The following SEC16A variants were observed in gnomAD, a reference collection of about 807,000 sequenced individuals.
The protein encoded by SEC16A is SEC16 homolog A, endoplasmic reticulum export factor.
Under a neutral mutation model 221.9 loss-of-function variants are expected in SEC16A, and 110 were observed. The observed-to-expected ratio is 0.50, with a 90% confidence interval of 0.42 to 0.58. The LOEUF (loss-of-function observed/expected upper bound fraction) is 0.58, where lower values mean the gene tolerates loss of function less well. SEC16A is among the 20% of genes least tolerant of loss of function. The pLI is 0.00. For missense variants in SEC16A, 3,165 were observed against 3,097.8 expected (o/e 1.02, Z -0.52); for synonymous variants, 1,393 against 1,257.7 (o/e 1.11, Z -2.28).
chr9:136,445,616 CG>C lies in SEC16A; in HGVS notation c.6867+28del, dbSNP rs1384776892. 10 of 1,526,618 alleles carry C rather than the reference CG, an allele frequency of 6.6e-6. No individual in the cohort carries two copies. The East Asian group carries it at 9.8e-5, about 15-fold the overall frequency. 94.6% of individuals were successfully genotyped at this position (1,526,618 alleles called of 1,614,324 possible). On this transcript the variant is annotated intron_variant, in intron 29 of 31. Transcript: ENST00000684901. ...TGAGCTGCTGGGGAGGCCTGGGCTGCGGGGGGCCCTGGCGTCGGCACTCCTT... is the reference window on the plus strand; with the variant it reads ...TGAGCTGCTGGGGAGGCCTGGGCTGCGGGGGCCCTGGCGTCGGCACTCCTT...
rs185535594 is a variant in SEC16A at position 136,474,034 on chromosome 9, C to T, written c.3567+15G>A. On this transcript the variant is annotated intron_variant, in intron 3 of 31. Coordinates refer to ENST00000684901, the MANE Select transcript of SEC16A (RefSeq NM_014866.2). The stretch of plus-strand genomic sequence containing the variant: ...CAGACAGAAAAGTGGGTTACACATA[C>T]GACTCGACTCTTACCTGGTAATAGA... 722 of 1,581,876 alleles carry T rather than the reference C, an allele frequency of 4.6e-4. 2 individuals are homozygous for T. In the East Asian group the frequency reaches 9.7e-3, roughly 21 times the overall value.
intron 13 of SEC16A, among the ~76,000 whole-genome samples, chr9:136,460,841 A>G (rs2132331520): frequency 6.6e-6 from 1 of 152,278 alleles, no homozygotes; most frequent in Non-Finnish European, 1.5e-5. Context: ...TGAACCTGGG[A>G]GGCAGGGGTT....
intron 12 of SEC16A, 90 bp downstream of exon 12, chr9:136,462,797 G>C: frequency 2.1e-6 from 3 of 1,462,014 alleles, no homozygotes; most frequent in South Asian, 1.3e-5. Context: ...CCAAGAGGGG[G>C]CCACGTCCCT....
intron 22 of SEC16A, 101 bp from the exon 23 acceptor site, chr9:136,451,509 A>G (rs1837807340): frequency 1.5e-6 from 2 of 1,332,210 alleles, no homozygotes; most frequent in Non-Finnish European, 1.0e-6. Flanking sequence ...TAAATACATC[A>G]CTGAGAGGCC....
rs968772583 is a variant in SEC16A at position 136,466,563 on chromosome 9, G to A, written c.3930-101C>T. On this transcript the variant is annotated intron_variant, in intron 6 of 31. Transcript: ENST00000684901. This position sits in a 1 kb window ranked among gnomAD's most constrained non-coding sequence, Gnocchi z 5.5. ...CAGGAGCTGAGACCGAGACCCCTGG[G>A]GCCGAGGCACAACACAGCACACCCG... 5.2e-6 allele frequency: 6 copies of A among 1,156,778 alleles called. No homozygotes were observed. The African/African-American group carries it at 7.8e-5, about 15-fold the overall frequency. 71.7% of individuals were successfully genotyped at this position (1,156,778 alleles called of 1,614,324 possible). A position where few individuals can be genotyped will look rare whatever the true frequency, so the allele number is the denominator to read the frequency against.
chr9:136,484,691 G>A (rs765196039), upstream of SEC16A: 36 of 1,366,388 alleles, frequency 2.6e-5, no homozygotes, highest in Middle Eastern at 2.1e-4. Flanking sequence ...AGGGCCGCAG[G>A]CGGTGCAGGG....
In SEC16A at chr9:136,447,147, T is replaced by C. The variant is rs1837110499; in HGVS notation, c.6697+80A>G. On this transcript the variant is annotated intron_variant, in intron 27 of 31. Coordinates refer to ENST00000684901, the MANE Select transcript of SEC16A (RefSeq NM_014866.2). The surrounding 1 kb of genome is among the most constrained non-coding windows in gnomAD (Gnocchi z 5.5). ...CAGGTCATTCTTTTAACGGGAGATT[T>C]AGGAGAGACTCATAGAAAGAGGATC... The C allele has an allele frequency of 6.5e-7, 1 of 1,534,704 alleles. No homozygotes were observed. Among genetic ancestry groups the C allele is most frequent in the Non-Finnish European group, 8.8e-7 (1 of 1,136,324 alleles).
intron 17 of SEC16A, among the ~76,000 whole-genome samples, chr9:136,457,895 G>A (rs996473009): frequency 1.3e-5 from 2 of 152,196 alleles, no homozygotes; most frequent in Non-Finnish European, 1.5e-5. Context: ...CCAAGAGCAC[G>A]GCACTGAGAC....
Position 136,459,526 on chromosome 9 carries a change from A to T in SEC16A, c.5221T>A (p.Phe1741Ile). The change falls in exon 16 of 32, where the codon TTC (phenylalanine) becomes ATC (isoleucine). Residue 1741 changes from phenylalanine (F) to isoleucine (I), a missense_variant. By Grantham distance (21) the Phe-to-Ile change is conservative (BLOSUM62 0). Transcript: ENST00000684901. The surrounding 1 kb of genome is among the most constrained non-coding windows in gnomAD (Gnocchi z 6.1). ...ASRGLLDAAHFCYLMAQAGFG... is the reference protein window; with the variant it reads ...ASRGLLDAAHICYLMAQAGFG... ...CCCGCCTGGGCCATGAGGTAGCAGAAGTGGGCCGCATCCAAGAGGCCCCTT... is the reference window on the plus strand; with the variant it reads ...CCCGCCTGGGCCATGAGGTAGCAGATGTGGGCCGCATCCAAGAGGCCCCTT... The T allele has an allele frequency of 1.2e-6, 2 of 1,604,446 alleles. No homozygotes were observed. Among genetic ancestry groups the T allele is most frequent in the Non-Finnish European group, 1.7e-6 (2 of 1,175,182 alleles).
At chr9:136,450,814 G>A (rs912750677) in intron 23 of SEC16A, among the ~76,000 whole-genome samples, 1 of 152,126 alleles carries the variant, frequency 6.6e-6, no homozygotes, top group Non-Finnish European at 1.5e-5. Context: ...TCCTTGGCAC[G>A]CACCTAAGAA....
chr9:136,461,329 T>C, intron 12 of SEC16A, 55 bp from the exon 13 acceptor site: 2 of 1,330,324 alleles, frequency 1.5e-6, no homozygotes, highest in South Asian at 2.5e-5. Flanking sequence ...TCACGTGACA[T>C]GAGTCAAGAC....
At chr9:136,468,137 G>T (rs1488461272) in intron 5 of SEC16A, among the ~76,000 whole-genome samples, 1 of 152,238 alleles carries the variant, frequency 6.6e-6, no homozygotes, top group Non-Finnish European at 1.5e-5. Flanking sequence ...TGCTAGTTAT[G>T]TTCCACTAGA....
At chr9:136,481,342 G>A (rs902319154) in intron 1 of SEC16A, among the ~76,000 whole-genome samples, 2 of 151,974 alleles carry the variant, frequency 1.3e-5, no homozygotes, top group Non-Finnish European at 2.9e-5. Flanking sequence ...GTTTCACCGT[G>A]TTAGCCAGGA....
At chr9:136,449,204 C>T (rs1295904354) in intron 23 of SEC16A, among the ~76,000 whole-genome samples, 1 of 152,152 alleles carries the variant, frequency 6.6e-6, no homozygotes, top group African/African-American at 2.4e-5. Flanking sequence ...GTGGAGAATT[C>T]GGTTATTAGG....
intron 5 of SEC16A, 59 bp from the exon 6 acceptor site, chr9:136,467,142 T>C (rs1588968154): frequency 1.2e-6 from 2 of 1,602,658 alleles, no homozygotes; most frequent in East Asian, 2.2e-5. Flanking sequence ...ATGCCTCAGA[T>C]ATCACTAAAG....
rs1482577734 is a variant in SEC16A, at chr9:136,440,611, TAA to T, written c.*1142_*1143del. 6.6e-6 allele frequency: 1 copy of T among 152,604 alleles called. No homozygotes were observed. Among genetic ancestry groups the T allele is most frequent in the Non-Finnish European group, 1.5e-5 (1 of 68,044 alleles). The allele number at this position is 152,604 out of a possible 1,614,324, so 9.5% of individuals were successfully genotyped here. ...AGTTTCAGAACAGTCAGAGAAGCCT[TAA>T]AGCTTTGCATCAGTGAGAGGAGGCC... On this transcript the variant is annotated 3_prime_UTR_variant, in exon 32 of 32. Coordinates refer to ENST00000684901, the MANE Select transcript of SEC16A (RefSeq NM_014866.2).
intron 1 of SEC16A, among the ~76,000 whole-genome samples, chr9:136,479,295 A>G (rs931929952): frequency 4.6e-5 from 7 of 152,192 alleles, no homozygotes; most frequent in South Asian, 2.1e-4. Context: ...GAACAAACAG[A>G]TAAGTTTAGC....
At chr9:136,469,232 C>T (rs897658971) in intron 4 of SEC16A, among the ~76,000 whole-genome samples, 6 of 152,240 alleles carry the variant, frequency 3.9e-5, no homozygotes, top group East Asian at 1.9e-4. Flanking sequence ...TCCCTGTACC[C>T]GTGCAGGGTA....
At chr9:136,457,733 C>A in intron 17 of SEC16A, 149 bp from the exon 18 acceptor site, 1 of 993,516 alleles carries the variant, frequency 1.0e-6, no homozygotes. Flanking sequence ...TCATCATCGT[C>A]TCCCACCCAC....
Sources: allele counts gnomAD v4.1 joint callset (sites outside exome capture counted in the v4.1 genomes callset), GRCh38; gene constraint gnomAD v4.1.1; non-coding constraint Gnocchi (gnomAD v3.1); transcripts MANE v1.5; gene names NCBI Gene and HGNC (gene_info 2026-07-23, HGNC 2026-07-21).